Variants in PRRC2C observed in about 807,000 individuals in gnomAD.
PRRC2C encodes protein PRRC2C.
PRRC2C carries 72 observed loss-of-function variants against 317.2 expected under a neutral mutation model. The observed-to-expected ratio is 0.23, with a 90% CI of 0.19 to 0.28. The LOEUF is 0.28. Ranked by LOEUF, PRRC2C falls within the 10% of genes least tolerant of loss-of-function variation. The pLI, the probability that PRRC2C is intolerant of heterozygous loss-of-function variation, is 1.00. For missense variants in PRRC2C, 3,074 were observed against 3,459.7 expected (o/e 0.89, Z 2.80); for synonymous variants, 1,296 against 1,205.9 (o/e 1.07, Z -1.55).
chr1:171,491,080 A>G (rs1363594859), intron 1 of PRRC2C, among the ~76,000 whole-genome samples: 1 of 152,128 alleles, frequency 6.6e-6, no homozygotes, highest in East Asian at 1.9e-4. Flanking sequence ...ATGAGTCTTG[A>G]CCATATTTAA....
In PRRC2C at chr1:171,558,053, C is replaced by G; in HGVS notation, c.5941C>G (p.Gln1981Glu). 6.2e-7 allele frequency: 1 copy of G among 1,613,974 alleles called. No individual in the cohort carries two copies. Among genetic ancestry groups the G allele is most frequent in the Non-Finnish European group, 8.5e-7 (1 of 1,179,880 alleles). Residue 1981 changes from glutamine to glutamate, a missense_variant, in exon 19 of 35, where the codon CAG becomes GAG. Gln to Glu is a conservative substitution (Grantham distance 29, BLOSUM62 2). Coordinates refer to ENST00000647382, the MANE Select transcript of PRRC2C (RefSeq NM_001387844.1). ...TTATGTAGCCTCAGGAAAATCCATC[C>G]AGACCCCACAGTCACATGGCACTCT... ...TDYVASGKSI[Q>E]TPQSHGTLTA...
intron 19 of PRRC2C, among the ~76,000 whole-genome samples, chr1:171,558,802 G>C (rs1681973357): frequency 6.6e-6 from 1 of 152,200 alleles, no homozygotes; most frequent in African/African-American, 2.4e-5. Flanking sequence ...GTGGATGGAA[G>C]AGTCACGTAC....
At chr1:171,486,665 G>A (rs1177699086) in intron 1 of PRRC2C, among the ~76,000 whole-genome samples, 1 of 152,174 alleles carries the variant, frequency 6.6e-6, no homozygotes, top group Non-Finnish European at 1.5e-5. Context: ...TGGGTTCATA[G>A]ATTCATACCT....
At chr1:171,563,355 G>A (rs1683049829) in intron 20 of PRRC2C, among the ~76,000 whole-genome samples, 1 of 152,108 alleles carries the variant, frequency 6.6e-6, no homozygotes, top group African/African-American at 2.4e-5. Flanking sequence ...TATGTAAATT[G>A]TTGTTATACC....
Position 171,540,676 on chromosome 1 carries a change from A to G in PRRC2C, c.3210A>G (p.Pro1070=). 6.2e-7 allele frequency: 1 copy of G among 1,613,968 alleles called. No homozygotes were observed. Among genetic ancestry groups the G allele is most frequent in the Non-Finnish European group, 8.5e-7 (1 of 1,179,870 alleles). Residue 1070 remains proline (P), a synonymous_variant, in exon 16 of 35, where the codon CCA becomes CCG. Coordinates refer to ENST00000647382, the MANE Select transcript of PRRC2C (RefSeq NM_001387844.1). ...CTCCCCCACCACCACCTCAGCCACC[A>G]GCACCAATTCAGCCACAGTCAGTTC... ...LPPPPPPPQP[P]APIQPQSVPP... is the part of the protein sequence containing the mutation.
intron 5 of PRRC2C, among the ~76,000 whole-genome samples, chr1:171,516,979 C>T (rs1191463606): frequency 6.6e-6 from 1 of 152,120 alleles, no homozygotes; most frequent in East Asian, 1.9e-4. Context: ...ACAGACCAAC[C>T]CTGCTATATT....
chr1:171,512,057 G>A lies in PRRC2C; in HGVS notation c.-32G>A, dbSNP rs377266455. 7.6e-7 allele frequency: 1 copy of A among 1,320,572 alleles called. No homozygotes were observed. The highest frequency in any genetic ancestry group is 1.1e-6 in the Non-Finnish European group (1 of 945,866). 81.8% of individuals were successfully genotyped at this position (1,320,572 alleles called of 1,614,324 possible). A position where few individuals can be genotyped will look rare whatever the true frequency, so the allele number is the denominator to read the frequency against. On this transcript the variant is annotated 5_prime_UTR_variant, in exon 2 of 35. Transcript: ENST00000647382. ...GACTGGGGTTTTAAGGGGTGTGGCA[G>A]GAGGTTTTGGACTCGATGAGTTTCC...
chr1:171,577,151 A>G (rs1012937463), intron 25 of PRRC2C, among the ~76,000 whole-genome samples: 2 of 152,098 alleles, frequency 1.3e-5, no homozygotes, highest in African/African-American at 4.8e-5. Flanking sequence ...CTAAACTATA[A>G]CAGTTACATA....
chr1:171,486,607 G>A (rs1192695933), intron 1 of PRRC2C, among the ~76,000 whole-genome samples: 3 of 152,134 alleles, frequency 2.0e-5, no homozygotes, highest in Non-Finnish European at 4.4e-5. Flanking sequence ...CCTGATGTTT[G>A]CTGGCTTATA....
chr1:171,511,710 A>G lies in PRRC2C; in HGVS notation c.-57-322A>G, dbSNP rs115269920. Reference sequence around the variant, plus strand: ...GGTTGATGTGTCAGTCATTTCAAGCATATTAAATTGGATAATATATCTTTT... The same window carrying G: ...GGTTGATGTGTCAGTCATTTCAAGCGTATTAAATTGGATAATATATCTTTT... On this transcript the variant is annotated intron_variant, in intron 1 of 34. Transcript: ENST00000647382. 3.8e-3 allele frequency: 592 copies of G among 156,254 alleles called. 3 individuals are homozygous for G. Among genetic ancestry groups the G allele is most frequent in the African/African-American group, 0.013 (537 of 41,602 alleles). 9.7% of individuals were successfully genotyped at this position (156,254 alleles called of 1,614,324 possible). A position where few individuals can be genotyped will look rare whatever the true frequency, so the allele number is the denominator to read the frequency against.
intron 5 of PRRC2C, among the ~76,000 whole-genome samples, chr1:171,517,174 A>T (rs528996766): frequency 5.3e-5 from 8 of 152,326 alleles, no homozygotes; most frequent in Non-Finnish European, 1.0e-4. Flanking sequence ...TAACAATAAT[A>T]TACTGGAAAC....
At chr1:171,524,714 T>C (rs189104722) in intron 9 of PRRC2C, 107 bp from the exon 10 acceptor site, 7 of 1,155,598 alleles carry the variant, frequency 6.1e-6, no homozygotes, top group Admixed American at 6.2e-5. Flanking sequence ...TTAATACATT[T>C]CCCCCCCCAG....
chr1:171,537,162 T>A, intron 14 of PRRC2C, 101 bp from the exon 15 acceptor site: 1 of 887,034 alleles, frequency 1.1e-6, no homozygotes, highest in Non-Finnish European at 1.7e-6. Flanking sequence ...TATGGAGAAT[T>A]CCACCTAACA....
At chr1:171,499,876 C>T (rs1388793395) in intron 1 of PRRC2C, among the ~76,000 whole-genome samples, 1 of 152,120 alleles carries the variant, frequency 6.6e-6, no homozygotes, top group African/African-American at 2.4e-5. Flanking sequence ...CTGTCATAGT[C>T]ATGGAAACCA....
At chr1:171,545,963 G>T (rs576442697) in intron 17 of PRRC2C, among the ~76,000 whole-genome samples, 36 of 152,094 alleles carry the variant, frequency 2.4e-4, no homozygotes, top group Non-Finnish European at 4.0e-4. Context: ...AAAAGAGGAA[G>T]AAAATTCAGT....
chr1:171,529,833 G>A (rs1300188377), intron 11 of PRRC2C, among the ~76,000 whole-genome samples: 1 of 152,038 alleles, frequency 6.6e-6, no homozygotes, highest in South Asian at 2.1e-4. Flanking sequence ...TGCTCTTCTT[G>A]ACTTTTTTAC....
rs762928818 is a variant in PRRC2C at position 171,541,407 on chromosome 1, G to A, written c.3941G>A (p.Arg1314Gln). 9.9e-6 allele frequency: 16 copies of A among 1,613,616 alleles called. No homozygotes were observed. The highest frequency in any genetic ancestry group is 3.3e-5 in the Admixed American group (2 of 59,948). The stretch of plus-strand genomic sequence containing the variant: ...TCTTTCAAGCCTGATAATCATGTTC[G>A]AATAGATAATAGACTGCTAGAAAAG... ...HSSFKPDNHV[R>Q]IDNRLLEKPY... Residue 1314 changes from arginine to glutamine, a missense_variant, in exon 16 of 35, where the codon CGA becomes CAA. Around this residue, in one of 11 missense-constraint regions of PRRC2C, gnomAD observed 1,320 missense variants for 1,395.7 expected, o/e 0.95. Coordinates refer to ENST00000647382, the MANE Select transcript of PRRC2C (RefSeq NM_001387844.1). This position sits in a 1 kb window ranked among gnomAD's most constrained non-coding sequence, Gnocchi z 4.1.
chr1:171,590,704 C>G (rs563891658), intron 34 of PRRC2C, among the ~76,000 whole-genome samples: 6 of 152,260 alleles, frequency 3.9e-5, no homozygotes, highest in African/African-American at 1.4e-4. Context: ...GGCTGTATGC[C>G]TAGGATTTCC....
intron 1 of PRRC2C, among the ~76,000 whole-genome samples, chr1:171,486,332 G>T (rs1466691248): frequency 6.6e-6 from 1 of 151,942 alleles, no homozygotes; most frequent in Non-Finnish European, 1.5e-5. Context: ...AACTCCGGAG[G>T]AGGATTTGGG....
Sources: gnomAD v4.1 joint callset for allele counts (sites outside exome capture counted in the v4.1 genomes callset) on GRCh38, gnomAD v4.1.1 for gene constraint, gnomAD v4.1.1 regional missense constraint, Gnocchi (gnomAD v3.1) non-coding constraint, MANE v1.5 for transcripts, NCBI Gene and HGNC (gene_info 2026-07-23, HGNC 2026-07-21) for gene names.